The following NTAQ1 variants were observed in gnomAD, a reference collection of about 807,000 sequenced individuals.
NTAQ1 encodes the protein N-terminal glutamine amidase 1.
Under a neutral mutation model 28.2 loss-of-function variants are expected in NTAQ1, and 21 were observed. The observed-to-expected ratio is 0.74, with a 90% CI of 0.53 to 1.07. The LOEUF (loss-of-function observed/expected upper bound fraction) is 1.07. Ranked by LOEUF, NTAQ1 falls within the 50% of genes least tolerant of loss-of-function variation. NTAQ1 has a pLI of 0.00. For synonymous variants in NTAQ1, 105 were observed against 90.0 expected (o/e 1.17, Z -0.94); for missense variants, 264 against 256.6 (o/e 1.03, Z -0.20).
In NTAQ1 at chr8:123,427,246, G is replaced by GC. The variant is rs1389981798; in HGVS notation, c.84-677dup. Among the ~76,000 whole-genome samples, 19 of 96,018 alleles carry GC rather than the reference G, an allele frequency of 2.0e-4. No homozygotes were observed. In the East Asian group the frequency reaches 7.4e-3, roughly 37 times the overall value. 63.0% of individuals were successfully genotyped at this position (96,018 alleles called of 152,430 possible). On this transcript the variant is annotated intron_variant, in intron 1 of 5. Coordinates refer to ENST00000287387, the MANE Select transcript of NTAQ1 (RefSeq NM_018024.3). ...TCTTGGAGAAGTCAAGATGGTCAAA[G>GC]CTTTTTTTTTTTTTTTTTTTTTTGA...
chr8:123,418,124 C>T (rs1259011342), intron 1 of NTAQ1, among the ~76,000 whole-genome samples: 3 of 152,130 alleles, frequency 2.0e-5, no homozygotes, highest in African/African-American at 7.2e-5. Flanking sequence ...GACAAATTCC[C>T]TCATGGATCC....
At chr8:123,465,461 C>T (rs77685643) in intron 6 of NTAQ1, among the ~76,000 whole-genome samples, 2,842 of 151,944 alleles carry the variant, frequency 0.019, 79 homozygotes, top group African/African-American at 0.064. Context: ...TAACCCCTGG[C>T]GACCACTCAT....
downstream of NTAQ1, among the ~76,000 whole-genome samples, chr8:123,442,761 C>G (rs1367334061): frequency 6.6e-6 from 1 of 151,110 alleles, no homozygotes; most frequent in African/African-American, 2.4e-5. Context: ...CTCCACTTCC[C>G]AGGTTCAAGT....
downstream of NTAQ1, among the ~76,000 whole-genome samples, chr8:123,449,534 A>G (rs1586961633): frequency 6.6e-6 from 1 of 152,070 alleles, no homozygotes; most frequent in Non-Finnish European, 1.5e-5. Context: ...CTGTTGCTGT[A>G]TCACTGCCCT....
exon 7 of NTAQ1, among the ~76,000 whole-genome samples, chr8:123,468,048 A>G (rs1816000082): frequency 1.3e-5 from 2 of 152,182 alleles, no homozygotes; most frequent in Non-Finnish European, 2.9e-5. Context: ...AGAGGTAAAC[A>G]AACTGAAGCA....
At position 123,421,206 on chromosome 8, in the gene NTAQ1, G is replaced by A. The variant is rs1429301101; in HGVS notation, c.83+4274G>A. Among the ~76,000 whole-genome samples the A allele has an allele frequency of 4.6e-5, 7 of 151,332 alleles. 1 individual carries two copies. The highest frequency in any genetic ancestry group is 4.6e-4 in the Admixed American group (7 of 15,212). On this transcript the variant is annotated intron_variant, in intron 1 of 5. Coordinates refer to ENST00000287387, the MANE Select transcript of NTAQ1 (RefSeq NM_018024.3). Reference sequence around the variant, plus strand: ...ATCAATTCTCCCACTTCAGTCTCCCGAGTAACTGGGGCTACAGGTGTGCAC... The same window carrying A: ...ATCAATTCTCCCACTTCAGTCTCCCAAGTAACTGGGGCTACAGGTGTGCAC...
In NTAQ1 at chr8:123,441,466, C is replaced by A; in HGVS notation, c.*51C>A. Reference sequence around the variant, plus strand: ...GGAGAAATTCTAGGACATGAACAAGCTATCCTTTCATCGAGGACAGCAAAC... The same window carrying A: ...GGAGAAATTCTAGGACATGAACAAGATATCCTTTCATCGAGGACAGCAAAC... On this transcript the variant is annotated 3_prime_UTR_variant, in exon 6 of 6. Coordinates refer to ENST00000287387, the MANE Select transcript of NTAQ1 (RefSeq NM_018024.3). 1 of 1,424,830 alleles carries A rather than the reference C, an allele frequency of 7.0e-7. No homozygotes were observed. Among genetic ancestry groups the A allele is most frequent in the Non-Finnish European group, 9.8e-7 (1 of 1,020,626 alleles). The allele number at this position is 1,424,830 out of a possible 1,614,324, so 88.3% of individuals were successfully genotyped here.
At chr8:123,423,976 G>A (rs1010153166) in intron 1 of NTAQ1, among the ~76,000 whole-genome samples, 4 of 151,482 alleles carry the variant, frequency 2.6e-5, no homozygotes, top group East Asian at 1.9e-4. Flanking sequence ...TCTGCCTCTC[G>A]GGTTCAAGTG....
chr8:123,453,154 G>GT (rs2130386328), intron 6 of NTAQ1, among the ~76,000 whole-genome samples: 1 of 152,318 alleles, frequency 6.6e-6, no homozygotes, highest in East Asian at 1.9e-4. Context: ...AAGGCCCACA[G>GT]GATGCAGAGC....
intron 1 of NTAQ1, among the ~76,000 whole-genome samples, chr8:123,422,637 CTTTAG>C (rs1813778665): frequency 1.4e-5 from 2 of 144,990 alleles, no homozygotes; most frequent in African/African-American, 2.6e-5. Context: ...GTGCAGAGCT[CTTTAG>C]TTTAATTAGG....
chr8:123,471,621 A>G (rs4460353), downstream of NTAQ1, among the ~76,000 whole-genome samples: 37,508 of 152,050 alleles, frequency 0.25, 5,005 homozygotes, highest in African/African-American at 0.33. Flanking sequence ...CTTGAGACCC[A>G]GGGAGAGCTG....
downstream of NTAQ1, among the ~76,000 whole-genome samples, chr8:123,449,859 T>TTCTCTCTCTCTCTCTCTCTCTCTCTCTC (rs112959997): frequency 5.4e-5 from 6 of 111,204 alleles, no homozygotes; most frequent in African/African-American, 1.9e-4. Flanking sequence ...GCTCGCTGCT[T>TTCTCTCTCTCTCTCTCTCTCTCTCTCTC]TCTCTCTCTC....
At chr8:123,459,197 G>A (rs1815745083) in intron 6 of NTAQ1, among the ~76,000 whole-genome samples, 1 of 151,720 alleles carries the variant, frequency 6.6e-6, no homozygotes, top group African/African-American at 2.4e-5. Flanking sequence ...AGTGAGCCGT[G>A]ATTATGCCAC....
intron 6 of NTAQ1, among the ~76,000 whole-genome samples, chr8:123,463,432 C>T (rs1214782769): frequency 3.9e-5 from 6 of 152,102 alleles, no homozygotes; most frequent in African/African-American, 1.4e-4. Context: ...ATACTTTTTA[C>T]CGTCTATTGA....
chr8:123,423,434 TTTTTC>T (rs1484467973), intron 1 of NTAQ1, among the ~76,000 whole-genome samples: 1 of 132,914 alleles, frequency 7.5e-6, no homozygotes, highest in Non-Finnish European at 1.7e-5. Flanking sequence ...TCTGTTTCTC[TTTTTC>T]TTTCTTTCTT....
intron 6 of NTAQ1, chr8:123,454,886 A>G (rs1354868599): frequency 6.6e-6 from 1 of 152,344 alleles, no homozygotes; most frequent in Non-Finnish European, 1.5e-5. Context: ...ATTTGTGATC[A>G]GAAGCAATGT....
intron 6 of NTAQ1, among the ~76,000 whole-genome samples, chr8:123,465,063 GGA>G (rs1815928742): frequency 6.6e-6 from 1 of 152,026 alleles, no homozygotes; most frequent in Non-Finnish European, 1.5e-5. Flanking sequence ...GGGCCCCAGG[GGA>G]GAGACGATAC....
In NTAQ1 at chr8:123,429,477, C is replaced by T. The variant is rs762091101; in HGVS notation, c.184-506C>T. Reference sequence around the variant, plus strand: ...CCAGCTACTTGTGAGGCGGCTGAGGCGGGCAGATCTCTTGAAGCCAAGAGT... The same window carrying T: ...CCAGCTACTTGTGAGGCGGCTGAGGTGGGCAGATCTCTTGAAGCCAAGAGT... On this transcript the variant is annotated intron_variant, in intron 2 of 5. Coordinates refer to ENST00000287387, the MANE Select transcript of NTAQ1 (RefSeq NM_018024.3). Among the ~76,000 whole-genome samples, 69 of 152,176 alleles carry T rather than the reference C, an allele frequency of 4.5e-4. No individual in the cohort carries two copies. The Middle Eastern group carries it at 0.014, about 30-fold the overall frequency.
At position 123,427,925 on chromosome 8, in the gene NTAQ1, G is replaced by A. The variant is rs1179627061; in HGVS notation, c.85G>A (p.Glu29Lys). The stretch of plus-strand genomic sequence containing the variant: ...GATTAAACAATTATTTTATTTCAGT[G>A]AAGAAAATATTTGGAAGCTCTGTGA... ...DACVYSSCYC[E>K]ENIWKLCEYI... The change falls in exon 2 of 6, where the codon GAA (glutamate) becomes AAA (lysine). Residue 29 changes from glutamate to lysine, a missense_variant and splice_region_variant. Coordinates refer to ENST00000287387, the MANE Select transcript of NTAQ1 (RefSeq NM_018024.3). 6.3e-7 allele frequency: 1 copy of A among 1,588,412 alleles called. No homozygotes were observed. The highest frequency in any genetic ancestry group is 8.6e-7 in the Non-Finnish European group (1 of 1,166,064).
Sources: allele counts gnomAD v4.1 joint callset (sites outside exome capture counted in the v4.1 genomes callset), GRCh38; gene constraint gnomAD v4.1.1; transcripts MANE v1.5; gene names NCBI Gene and HGNC (gene_info 2026-07-23, HGNC 2026-07-21).